The following NEK4 variants were observed in gnomAD, a reference collection of about 807,000 sequenced individuals.
NEK4 encodes NIMA related kinase 4.
In NEK4, 86 loss-of-function variants were observed where a neutral mutation model predicts 98.4. The ratio of observed to expected loss-of-function variants is 0.87; its 90% CI spans 0.73 to 1.05. The LOEUF is 1.05. NEK4 is among the 50% of genes least tolerant of loss of function. The probability of loss-of-function intolerance (pLI) is 0.00; values close to 1 mark genes in which losing one functional copy is unlikely to be tolerated. For missense variants in NEK4, 898 were observed against 950.3 expected (o/e 0.94, Z 0.72); for synonymous variants, 328 against 342.2 (o/e 0.96, Z 0.46).
chr3:52,762,657 C>T (rs542796472), intron 5 of NEK4, among the ~76,000 whole-genome samples: 155 of 152,166 alleles, frequency 1.0e-3, no homozygotes, highest in African/African-American at 3.6e-3. Flanking sequence ...CCGAGGTGGG[C>T]GGACCACGAG....
At chr3:52,716,606 T>C (rs2097355350) in intron 15 of NEK4, among the ~76,000 whole-genome samples, 1 of 152,220 alleles carries the variant, frequency 6.6e-6, no homozygotes, top group African/African-American at 2.4e-5. Flanking sequence ...TTGTTCTTTT[T>C]TTCTTCTTTA....
chr3:52,737,080 G>A (rs1355394257), intron 15 of NEK4, among the ~76,000 whole-genome samples: 2 of 152,132 alleles, frequency 1.3e-5, no homozygotes, highest in African/African-American at 4.8e-5. Flanking sequence ...GGGATTACAG[G>A]TGCGTGGCAC....
chr3:52,757,861 G>A (rs1698183149), intron 6 of NEK4, among the ~76,000 whole-genome samples: 1 of 152,106 alleles, frequency 6.6e-6, no homozygotes, highest in African/African-American at 2.4e-5. Context: ...ACTTACACTA[G>A]TCAAAACCAT....
intron 1 of NEK4, 69 bp downstream of exon 1, chr3:52,770,585 T>G (rs1698741380): frequency 8.1e-7 from 1 of 1,230,196 alleles, no homozygotes; most frequent in Non-Finnish European, 1.1e-6. Context: ...CCCGACCTAA[T>G]CTACCGGTCG....
intron 6 of NEK4, 130 bp from the exon 7 acceptor site, chr3:52,752,466 C>T (rs1238148750): frequency 5.0e-6 from 4 of 797,334 alleles, no homozygotes; most frequent in Non-Finnish European, 8.0e-6. Context: ...AATTCCACTC[C>T]TAAGTATGTA....
In NEK4 at chr3:52,766,310, T is replaced by C. The variant is rs1228963262; in HGVS notation, c.426A>G (p.Thr142=). Reference sequence around the variant, plus strand: ...CTAGGTCCCCTACTTTGATGATGTTTGTTCTTGTTAGGAAGACATTTTGAG... The same window carrying C: ...CTAGGTCCCCTACTTTGATGATGTTCGTTCTTGTTAGGAAGACATTTTGAG... ...LKTQNVFLTR[T]NIIKVGDLGI... is the part of the protein sequence containing the mutation. Residue 142 remains threonine, a synonymous_variant, in exon 3 of 16, where the codon ACA becomes ACG. Coordinates refer to ENST00000233027, the MANE Select transcript of NEK4 (RefSeq NM_003157.6). 6.2e-7 allele frequency: 1 copy of C among 1,614,026 alleles called. No individual in the cohort carries two copies. Among genetic ancestry groups the C allele is most frequent in the African/African-American group, 1.3e-5 (1 of 74,938 alleles).
intron 15 of NEK4, among the ~76,000 whole-genome samples, chr3:52,722,724 G>A (rs1279408206): frequency 6.6e-6 from 1 of 151,918 alleles, no homozygotes; most frequent in African/African-American, 2.4e-5. Context: ...GTAACATGGC[G>A]AAACCCCGTC....
chr3:52,766,715 A>G (rs4687650), intron 2 of NEK4, among the ~76,000 whole-genome samples: 54,027 of 151,490 alleles, frequency 0.36, 10,273 homozygotes, highest in Admixed American at 0.47. Flanking sequence ...AGCCGGGCGC[A>G]GTGGCTCACG....
In NEK4 at chr3:52,744,275, G is replaced by A. The variant is rs775049834; in HGVS notation, c.1858C>T (p.Arg620Ter). 14 of 1,613,558 alleles carry A rather than the reference G, an allele frequency of 8.7e-6. No individual in the cohort carries two copies. Among genetic ancestry groups the A allele is most frequent in the Admixed American group, 1.7e-5 (1 of 59,984 alleles). Residue 620 changes from arginine to a stop codon, truncating the protein, a stop_gained, in exon 11 of 16, where the codon CGA (arginine) becomes TGA (stop). Coordinates refer to ENST00000233027, the MANE Select transcript of NEK4 (RefSeq NM_003157.6). LOFTEE classifies it high-confidence loss of function. The stretch of plus-strand genomic sequence containing the variant: ...ATTTCTTCCTGTGACTGCTTTAGTC[G>A]CCTCCTCTCTCTGGCTGATAATGGT... ...DRPLSARERR[R>*]LKQSQEEMSS...
At chr3:52,760,551 T>C (rs1017525616) in intron 6 of NEK4, among the ~76,000 whole-genome samples, 6 of 152,254 alleles carry the variant, frequency 3.9e-5, no homozygotes, top group African/African-American at 1.4e-4. Flanking sequence ...AATTTTGTTA[T>C]ATAAATTTCA....
intron 6 of NEK4, among the ~76,000 whole-genome samples, chr3:52,759,900 A>G (rs1451493257): frequency 6.6e-6 from 1 of 152,256 alleles, no homozygotes; most frequent in Non-Finnish European, 1.5e-5. Flanking sequence ...CTAAAAAGAA[A>G]TGAAGTATTC....
At chr3:52,738,172 C>A (rs188278201) in intron 14 of NEK4, among the ~76,000 whole-genome samples, 21 of 151,832 alleles carry the variant, frequency 1.4e-4, no homozygotes, top group Non-Finnish European at 2.9e-4. Context: ...TGCAGTGTGA[C>A]CATAGCTCAC....
At chr3:52,760,195 ATTTATTTATTTTAT>A (rs1411678745) in intron 6 of NEK4, among the ~76,000 whole-genome samples, 6 of 152,014 alleles carry the variant, frequency 3.9e-5, no homozygotes, top group Admixed American at 3.9e-4. Flanking sequence ...TGATCACTTT[ATTTATTTATTTTAT>A]TTTATTTATT....
At chr3:52,722,789 T>C (rs1424541232) in intron 15 of NEK4, among the ~76,000 whole-genome samples, 1 of 152,008 alleles carries the variant, frequency 6.6e-6, no homozygotes, top group Non-Finnish European at 1.5e-5. Context: ...CCTACAGTCC[T>C]GGCAACCTGG....
chr3:52,745,685 C>T (rs1201716224), intron 10 of NEK4, among the ~76,000 whole-genome samples: 1 of 152,044 alleles, frequency 6.6e-6, no homozygotes, highest in Non-Finnish European at 1.5e-5. Flanking sequence ...TCATAATATA[C>T]ACAAGACTTT....
At chr3:52,728,786 A>T (rs2097366901) in intron 15 of NEK4, among the ~76,000 whole-genome samples, 6 of 152,172 alleles carry the variant, frequency 3.9e-5, no homozygotes, top group Admixed American at 3.9e-4. Flanking sequence ...AATATTAATA[A>T]TTAATACCCT....
chr3:52,758,459 T>A (rs1179754711), intron 6 of NEK4, among the ~76,000 whole-genome samples: 23 of 151,956 alleles, frequency 1.5e-4, no homozygotes, highest in Admixed American at 1.5e-3. Flanking sequence ...ATCGACAACC[T>A]AAATATAAGA....
chr3:52,724,039 C>G (rs2154102367), intron 15 of NEK4, among the ~76,000 whole-genome samples: 1 of 152,172 alleles, frequency 6.6e-6, no homozygotes, highest in South Asian at 2.1e-4. Flanking sequence ...TCAAGACCAA[C>G]CTGGATGACA....
At chr3:52,723,127 C>T (rs149042195) in intron 15 of NEK4, among the ~76,000 whole-genome samples, 1 of 152,036 alleles carries the variant, frequency 6.6e-6, no homozygotes, top group East Asian at 1.9e-4. Flanking sequence ...ATCACTTGTG[C>T]CCAGGAGTTT....
Sources: allele counts gnomAD v4.1 joint callset (sites outside exome capture counted in the v4.1 genomes callset), GRCh38; gene constraint gnomAD v4.1.1; transcripts MANE v1.5; gene names NCBI Gene and HGNC (gene_info 2026-07-23, HGNC 2026-07-21).